SLC24A3: variants seen among roughly 807,000 people sequenced by gnomAD.
SLC24A3 encodes sodium/potassium/calcium exchanger 3.
A neutral mutation model predicts 75.8 loss-of-function variants in SLC24A3; 28 were observed. The ratio of observed to expected loss-of-function variants is 0.37; its 90% CI spans 0.27 to 0.51. The LOEUF (loss-of-function observed/expected upper bound fraction) is 0.51. Among genes scored for constraint, SLC24A3 ranks in the 20% least tolerant of loss-of-function variants. The probability of loss-of-function intolerance (pLI) is 0.94; values close to 1 mark genes in which losing one functional copy is unlikely to be tolerated. For missense variants in SLC24A3, 663 were observed against 847.8 expected (o/e 0.78, Z 2.71); for synonymous variants, 372 against 334.1 (o/e 1.11, Z -1.24).
At chr20:19,582,049 T>C (rs573760239) in intron 4 of SLC24A3, among the ~76,000 whole-genome samples, 22 of 152,310 alleles carry the variant, frequency 1.4e-4, no homozygotes, top group African/African-American at 4.8e-4. Context: ...ACAACCTTAA[T>C]TGCTGGGGAA....
chr20:19,665,783 G>A (rs1241368259), intron 7 of SLC24A3, 81 bp from the exon 8 acceptor site: 1 of 1,465,770 alleles, frequency 6.8e-7, no homozygotes, highest in Non-Finnish European at 9.1e-7. Flanking sequence ...ACTGCGTGCA[G>A]CCTTAAAGCG....
intron 15 of SLC24A3, 102 bp downstream of exon 15, chr20:19,698,782 A>G: frequency 1.2e-6 from 1 of 860,344 alleles, no homozygotes; most frequent in East Asian, 2.7e-5. Context: ...AAAGGGGTGT[A>G]GAAATCGTAA....
intron 2 of SLC24A3, among the ~76,000 whole-genome samples, chr20:19,501,353 C>G (rs1008114288): frequency 2.0e-5 from 3 of 152,182 alleles, no homozygotes; most frequent in African/African-American, 7.2e-5. Context: ...TATGTAATGG[C>G]CGGACTTGGT....
chr20:19,570,705 C>A (rs2031039168), intron 3 of SLC24A3, among the ~76,000 whole-genome samples: 1 of 152,176 alleles, frequency 6.6e-6, no homozygotes, highest in Non-Finnish European at 1.5e-5. Flanking sequence ...GTCTGTGAAA[C>A]ATGAGTAATA....
At chr20:19,264,742 A>AC (rs1446210517) in intron 1 of SLC24A3, among the ~76,000 whole-genome samples, 104 of 148,620 alleles carry the variant, frequency 7.0e-4, no homozygotes, top group African/African-American at 2.5e-3. Flanking sequence ...AAAAAAAAAA[A>AC]AAACAAAACA....
intron 3 of SLC24A3, among the ~76,000 whole-genome samples, chr20:19,522,174 C>G (rs1158791877): frequency 6.6e-6 from 1 of 152,076 alleles, no homozygotes; most frequent in African/African-American, 2.4e-5. Flanking sequence ...TAGGAATCAC[C>G]CTAGAAGGCC....
intron 15 of SLC24A3, among the ~76,000 whole-genome samples, chr20:19,705,028 C>T (rs2032914041): frequency 1.3e-5 from 2 of 152,156 alleles, no homozygotes; most frequent in African/African-American, 4.8e-5. Flanking sequence ...CAGCAGTCAC[C>T]CATGCATAAC....
chr20:19,452,997 G>A (rs1464368901), intron 2 of SLC24A3, among the ~76,000 whole-genome samples: 1 of 152,154 alleles, frequency 6.6e-6, no homozygotes, highest in African/African-American at 2.4e-5. Context: ...GCGTGGCCAA[G>A]ATGGTGAAAC....
At chr20:19,617,081 C>T (rs1343693261) in intron 6 of SLC24A3, among the ~76,000 whole-genome samples, 1 of 152,120 alleles carries the variant, frequency 6.6e-6, no homozygotes, top group Admixed American at 6.5e-5. Flanking sequence ...CTGGAGATTG[C>T]ACGTGAAGTC....
intron 2 of SLC24A3, among the ~76,000 whole-genome samples, chr20:19,346,246 G>GTGTA (rs1555788938): frequency 2.4e-5 from 1 of 42,218 alleles, no homozygotes; most frequent in East Asian, 4.3e-4. Flanking sequence ...TATATATGGT[G>GTGTA]TATATATATA....
intron 2 of SLC24A3, among the ~76,000 whole-genome samples, chr20:19,316,048 A>G (rs1984577692): frequency 6.6e-6 from 1 of 152,070 alleles, no homozygotes; most frequent in South Asian, 2.1e-4. Context: ...TGCACTGGTA[A>G]TAGCATGGCT....
chr20:19,630,198 T>C (rs2031916978), intron 6 of SLC24A3, among the ~76,000 whole-genome samples: 1 of 152,226 alleles, frequency 6.6e-6, no homozygotes, highest in African/African-American at 2.4e-5. Flanking sequence ...GTTGCCCAGA[T>C]GGAGATGAGG....
At chr20:19,333,155 G>A (rs181713081) in intron 2 of SLC24A3, among the ~76,000 whole-genome samples, 1 of 152,344 alleles carries the variant, frequency 6.6e-6, no homozygotes, top group Admixed American at 6.5e-5. Flanking sequence ...CCATGTGGCT[G>A]TCTGTCTGTT....
chr20:19,636,314 A>T (rs2032002449), intron 6 of SLC24A3, among the ~76,000 whole-genome samples: 1 of 152,196 alleles, frequency 6.6e-6, no homozygotes, highest in South Asian at 2.1e-4. Flanking sequence ...GTGTCAAAGA[A>T]TGTGTGCCAT....
chr20:19,388,440 G>T (rs967153896), intron 2 of SLC24A3, among the ~76,000 whole-genome samples: 1 of 152,036 alleles, frequency 6.6e-6, no homozygotes, highest in Non-Finnish European at 1.5e-5. Flanking sequence ...AGCCTGGTGC[G>T]GTGGCTCACG....
chr20:19,531,215 A>C (rs1187511115), intron 3 of SLC24A3, among the ~76,000 whole-genome samples: 1 of 152,216 alleles, frequency 6.6e-6, no homozygotes, highest in East Asian at 1.9e-4. Context: ...TTTATTTTTC[A>C]GTCACAAATG....
chr20:19,560,915 C>T lies in SLC24A3; in HGVS notation c.349-19085C>T, dbSNP rs115794741. 9.9e-3 allele frequency among the ~76,000 whole-genome samples: 1,512 copies of T among 152,200 alleles called. 31 individuals carry two copies. Among genetic ancestry groups the T allele is most frequent in the African/African-American group, 0.034 (1,425 of 41,512 alleles). On this transcript the variant is annotated intron_variant, in intron 3 of 16. Transcript: ENST00000328041. ...AATCCAAACAAATAATTTCTCCATC[C>T]AAGCCACTTAATAATTAGAATCATA...
intron 2 of SLC24A3, among the ~76,000 whole-genome samples, chr20:19,336,824 A>G (rs1436863998): frequency 6.6e-6 from 1 of 151,982 alleles, no homozygotes; most frequent in East Asian, 1.9e-4. Flanking sequence ...TAGACTGGGT[A>G]AAACCGGTAG....
intron 4 of SLC24A3, 149 bp from the exon 5 acceptor site, chr20:19,584,822 A>G: frequency 3.2e-6 from 2 of 621,508 alleles, no homozygotes; most frequent in Non-Finnish European, 5.6e-6. Flanking sequence ...GCTGAGAGGG[A>G]CTAAGTACCA....
Sources: gnomAD v4.1 joint callset for allele counts (sites outside exome capture counted in the v4.1 genomes callset) on GRCh38, gnomAD v4.1.1 for gene constraint, MANE v1.5 for transcripts, NCBI Gene and HGNC (gene_info 2026-07-23, HGNC 2026-07-21) for gene names.